CLASP2: variants seen among roughly 807,000 people sequenced by gnomAD.
The protein encoded by CLASP2 is CLIP-associating protein 2.
In CLASP2, 47 loss-of-function variants were observed where a neutral mutation model predicts 194.4. The ratio of observed to expected loss-of-function variants is 0.24; its 90% confidence interval spans 0.19 to 0.31. The LOEUF (loss-of-function observed/expected upper bound fraction) is 0.31, where lower values mean the gene tolerates loss of function less well. Ranked by LOEUF, CLASP2 falls within the 10% of genes least tolerant of loss-of-function variation. The probability of loss-of-function intolerance (pLI) is 1.00; values close to 1 mark genes in which losing one functional copy is unlikely to be tolerated. For synonymous variants in CLASP2, 619 were observed against 633.5 expected, an observed-to-expected ratio of 0.98 and a Z score of 0.34; for missense variants, 1,445 against 1,823.6, an observed-to-expected ratio of 0.79 and a Z score of 3.78.
intron 25 of CLASP2, among the ~76,000 whole-genome samples, chr3:33,572,741 ATTC>A (rs1228367277): frequency 3.3e-5 from 5 of 152,138 alleles, no homozygotes; most frequent in African/African-American, 1.2e-4. Flanking sequence ...AAGCATAAAC[ATTC>A]TTCTTCTCAT....
chr3:33,700,335 G>A (rs775898427), intron 1 of CLASP2, among the ~76,000 whole-genome samples: 3 of 152,088 alleles, frequency 2.0e-5, no homozygotes, highest in Admixed American at 6.5e-5. Context: ...GCTGAGGCAC[G>A]AGAATCATCT....
intron 3 of CLASP2, among the ~76,000 whole-genome samples, chr3:33,688,994 G>A (rs2091034203): frequency 6.6e-6 from 1 of 152,006 alleles, no homozygotes; most frequent in Admixed American, 6.6e-5. Context: ...AAAGCCAACT[G>A]TACCAATCAA....
chr3:33,638,463 C>T (rs1359726871), intron 8 of CLASP2, among the ~76,000 whole-genome samples: 1 of 152,046 alleles, frequency 6.6e-6, no homozygotes, highest in East Asian at 1.9e-4. Flanking sequence ...CGCCACCATG[C>T]CCAGATAATT....
chr3:33,527,531 C>T (rs1309988277), intron 34 of CLASP2, among the ~76,000 whole-genome samples: 3 of 152,202 alleles, frequency 2.0e-5, no homozygotes, highest in Admixed American at 2.0e-4. Context: ...CTGAATTCTA[C>T]CAGATGTACA....
chr3:33,507,505 AG>A (rs1342197061), intron 37 of CLASP2, among the ~76,000 whole-genome samples: 37 of 152,308 alleles, frequency 2.4e-4, no homozygotes, highest in African/African-American at 8.9e-4. Context: ...TTTTGGAGAC[AG>A]GATCTTGCTC....
At chr3:33,660,278 G>A (rs1442743533) in intron 7 of CLASP2, among the ~76,000 whole-genome samples, 3 of 152,144 alleles carry the variant, frequency 2.0e-5, no homozygotes, top group East Asian at 1.9e-4. Context: ...TTCCTACAGG[G>A]CTGGTGTTCC....
At chr3:33,706,085 T>C (rs1161198854) in intron 1 of CLASP2, among the ~76,000 whole-genome samples, 1 of 152,056 alleles carries the variant, frequency 6.6e-6, no homozygotes, top group Non-Finnish European at 1.5e-5. Context: ...AGACCCCATC[T>C]CTACAAGAAA....
intron 1 of CLASP2, among the ~76,000 whole-genome samples, chr3:33,715,902 A>G (rs550359404): frequency 6.7e-6 from 1 of 149,380 alleles, no homozygotes; most frequent in African/African-American, 2.5e-5. Flanking sequence ...AACTTAGCTT[A>G]TAAAACTTAA....
At chr3:33,641,971 T>C (rs9654036) in intron 8 of CLASP2, among the ~76,000 whole-genome samples, 25,806 of 151,896 alleles carry the variant, frequency 0.17, 2,634 homozygotes, top group African/African-American at 0.29. Context: ...AGATAATGTA[T>C]AGTCCAGAAA....
At chr3:33,553,515 A>G (rs2060392685) in intron 29 of CLASP2, among the ~76,000 whole-genome samples, 1 of 152,204 alleles carries the variant, frequency 6.6e-6, no homozygotes, top group Admixed American at 6.5e-5. Context: ...CAAGAAAACA[A>G]ATAAACTATT....
At chr3:33,547,168 C>T (rs1362598941) in intron 30 of CLASP2, among the ~76,000 whole-genome samples, 8 of 152,186 alleles carry the variant, frequency 5.3e-5, no homozygotes, top group Non-Finnish European at 1.2e-4. Flanking sequence ...GAATTATACT[C>T]CCATAATTCC....
intron 19 of CLASP2, 47 bp downstream of exon 19, chr3:33,596,645 AAGGATATTATATAGAATCC>A: frequency 1.9e-6 from 2 of 1,059,560 alleles, no homozygotes; most frequent in Non-Finnish European, 2.8e-6. Context: ...AAGAATGAAC[AAGGATATTATATAGAATCC>A]AGGTTCCATA....
At chr3:33,661,666 C>T (rs1030175007) in intron 7 of CLASP2, among the ~76,000 whole-genome samples, 1 of 152,086 alleles carries the variant, frequency 6.6e-6, no homozygotes, top group African/African-American at 2.4e-5. Flanking sequence ...GCTTGAAATG[C>T]CTATTAGGCA....
chr3:33,585,799 T>C (rs944065154), intron 21 of CLASP2, among the ~76,000 whole-genome samples: 2 of 151,970 alleles, frequency 1.3e-5, no homozygotes, highest in Non-Finnish European at 2.9e-5. Context: ...ATGCAGAGCA[T>C]GACTGTATTA....
At chr3:33,559,005 T>C in intron 29 of CLASP2, 1 of 412,566 alleles carries the variant, frequency 2.4e-6, no homozygotes, top group Non-Finnish European at 4.5e-6. Flanking sequence ...TTAAATAACA[T>C]TTGAAATCAA....
chr3:33,567,016 C>T (rs1185984312), intron 26 of CLASP2, among the ~76,000 whole-genome samples: 7 of 151,920 alleles, frequency 4.6e-5, no homozygotes, highest in African/African-American at 1.7e-4. Context: ...CTTTTTTTTC[C>T]AGACCCTATC....
At chr3:33,565,765 T>C (rs1004084428) in intron 27 of CLASP2, among the ~76,000 whole-genome samples, 4 of 151,926 alleles carry the variant, frequency 2.6e-5, no homozygotes, top group Admixed American at 1.3e-4. Context: ...TGAGCTGAGA[T>C]TGAGCCATTG....
chr3:33,696,786 T>C, intron 2 of CLASP2, 69 bp downstream of exon 2: 1 of 1,076,586 alleles, frequency 9.3e-7, no homozygotes, highest in Non-Finnish European at 1.4e-6. Flanking sequence ...TTCTGCTAAA[T>C]AAAAACTAAC....
At position 33,584,843 on chromosome 3, in the gene CLASP2, C is replaced by T. The variant is rs2067002464; in HGVS notation, c.2146G>A (p.Val716Ile). Residue 716 changes from valine (V) to isoleucine (I), a missense_variant, in exon 22 of 39, where the codon GTC becomes ATC. This residue lies in a region of CLASP2 where 732 missense variants were observed against 987.9 expected (regional missense o/e 0.74). Coordinates refer to ENST00000682230, the MANE Select transcript of CLASP2 (RefSeq NM_001365631.1). The part of the protein sequence containing the change: ...LSTVSSGVQR[V>I]LVNSASAQKR... Reference sequence around the variant, plus strand: ...TGTGCTGAGGCTGAATTGACCAGGACTCTTTGAACACCAGAGCTCACAGTG... The same window carrying T: ...TGTGCTGAGGCTGAATTGACCAGGATTCTTTGAACACCAGAGCTCACAGTG... The T allele has an allele frequency of 6.2e-7, 1 of 1,613,794 alleles. No individual in the cohort carries two copies. Among genetic ancestry groups the T allele is most frequent in the Non-Finnish European group, 8.5e-7 (1 of 1,179,862 alleles).
Sources: gnomAD v4.1 joint callset for allele counts (sites outside exome capture counted in the v4.1 genomes callset) on GRCh38, gnomAD v4.1.1 for gene constraint, gnomAD v4.1.1 regional missense constraint, MANE v1.5 for transcripts, NCBI Gene and HGNC (gene_info 2026-07-23, HGNC 2026-07-21) for gene names.